Variants in THRAP3 observed in about 807,000 individuals in gnomAD.
The protein encoded by THRAP3 is thyroid hormone receptor associated protein 3, also known as thyroid hormone receptor-associated protein 3.
In THRAP3, 16 loss-of-function variants were observed where a neutral mutation model predicts 101.0. The observed-to-expected ratio is 0.16, with a 90% CI of 0.11 to 0.24. The LOEUF is 0.24. Among genes scored for constraint, THRAP3 ranks in the 10% least tolerant of loss-of-function variants. The pLI is 1.00. For missense variants in THRAP3, 989 were observed against 1,202.7 expected (o/e 0.82, Z 2.63); for synonymous variants, 407 against 422.6 (o/e 0.96, Z 0.45).
At chr1:36,245,826 A>G (rs1645224115) in intron 1 of THRAP3, among the ~76,000 whole-genome samples, 2 of 151,764 alleles carry the variant, frequency 1.3e-5, no homozygotes, top group Admixed American at 6.6e-5. Flanking sequence ...AGGACTTTTT[A>G]TTTTTCGCTA....
At chr1:36,294,990 G>A (rs1269178597) in intron 8 of THRAP3, among the ~76,000 whole-genome samples, 2 of 152,152 alleles carry the variant, frequency 1.3e-5, no homozygotes, top group Non-Finnish European at 2.9e-5. Flanking sequence ...TTGGGAGGCC[G>A]AGGTGGGTGG....
chr1:36,253,575 A>G (rs1645335522), intron 1 of THRAP3, among the ~76,000 whole-genome samples: 1 of 151,964 alleles, frequency 6.6e-6, no homozygotes, highest in African/African-American at 2.4e-5. Flanking sequence ...TTCCCATAGA[A>G]GTGCTGTTTT....
intron 5 of THRAP3, 137 bp downstream of exon 5, chr1:36,289,901 G>A: frequency 1.6e-6 from 2 of 1,240,698 alleles, no homozygotes; most frequent in African/African-American, 1.5e-5. Flanking sequence ...GTCCACCTGT[G>A]TTCACTGGAG....
chr1:36,214,898 A>G, the THRAP3 span, among the ~76,000 whole-genome samples: 1 of 150,936 alleles, frequency 6.6e-6, no homozygotes, highest in Non-Finnish European at 1.5e-5. Flanking sequence ...TAAAAAAGGA[A>G]ATGAGAATCA....
intron 1 of THRAP3, among the ~76,000 whole-genome samples, chr1:36,242,513 C>T (rs1225102397): frequency 1.4e-5 from 2 of 146,208 alleles, no homozygotes; most frequent in African/African-American, 5.1e-5. Flanking sequence ...AGTGCAGAGA[C>T]GCGATCTCCG....
chr1:36,291,334 TATTGTGTTCTA>T, intron 5 of THRAP3, 29 bp from the exon 6 acceptor site: 3 of 1,589,968 alleles, frequency 1.9e-6, no homozygotes, highest in Non-Finnish European at 2.6e-6. Context: ...TCTTCCTGTG[TATTGTGTTCTA>T]ATTGGGCCTC....
At chr1:36,297,135 C>T (rs1362190700) in intron 9 of THRAP3, among the ~76,000 whole-genome samples, 1 of 152,168 alleles carries the variant, frequency 6.6e-6, no homozygotes, top group Non-Finnish European at 1.5e-5. Context: ...AAGTCATTGT[C>T]AAGTAATAAC....
At position 36,282,346 on chromosome 1, in the gene THRAP3, A is replaced by G. The variant is rs1645743190; in HGVS notation, c.-31-187A>G. Among the ~76,000 whole-genome samples the G allele has an allele frequency of 2.6e-5, 4 of 151,808 alleles. No individual in the cohort carries two copies. In the South Asian group the frequency reaches 6.2e-4, roughly 24 times the overall value. ...ACTCCCTCCTGTCTTAGCCTCTCAAATAGCTAGGACTACAGGAACGCACCA... is the reference window on the plus strand; with the variant it reads ...ACTCCCTCCTGTCTTAGCCTCTCAAGTAGCTAGGACTACAGGAACGCACCA... On this transcript the variant is annotated intron_variant, in intron 2 of 11. Transcript: ENST00000354618.
At position 36,247,318 on chromosome 1, in the gene THRAP3, A is replaced by G. The variant is rs148247337; in HGVS notation, c.-134-12064A>G. Among the ~76,000 whole-genome samples the G allele has an allele frequency of 2.0e-3, 307 of 152,112 alleles. 2 individuals are homozygous for G. Among genetic ancestry groups the G allele is most frequent in the Admixed American group, 7.8e-3 (119 of 15,292 alleles). On this transcript the variant is annotated intron_variant, in intron 1 of 11. Coordinates refer to ENST00000354618, the MANE Select transcript of THRAP3 (RefSeq NM_005119.4). ...GGCGACAGAGCGAGACTCCGTCTCA[A>G]AAAGACAAATTAACTTTTTTTTTTG...
At chr1:36,223,145 T>A (rs534849083), upstream of THRAP3, among the ~76,000 whole-genome samples, 20 of 151,844 alleles carry the variant, frequency 1.3e-4, no homozygotes, top group East Asian at 2.9e-3. Context: ...AATAAATAAA[T>A]AAAAATAAAA....
At chr1:36,296,838 C>G in intron 9 of THRAP3, 68 bp downstream of exon 9, 2 of 1,299,284 alleles carry the variant, frequency 1.5e-6, no homozygotes, top group Non-Finnish European at 2.1e-6. Flanking sequence ...GGCTATACAC[C>G]AGAACTTTCA....
intron 8 of THRAP3, 150 bp downstream of exon 8, chr1:36,294,085 TA>T: frequency 7.0e-7 from 1 of 1,424,366 alleles, no homozygotes; most frequent in East Asian, 2.5e-5. Flanking sequence ...TACAAAGGGT[TA>T]ATTTTTATTA....
intron 9 of THRAP3, among the ~76,000 whole-genome samples, chr1:36,299,607 T>A (rs1169138600): frequency 6.6e-6 from 1 of 151,762 alleles, no homozygotes; most frequent in East Asian, 2.0e-4. Context: ...TTCAAGTGAT[T>A]CTCCTGTCTC....
In THRAP3 at chr1:36,282,765, T is replaced by A. The variant is rs563775400; in HGVS notation, c.137+65T>A. On this transcript the variant is annotated intron_variant, in intron 3 of 11. Transcript: ENST00000354618. ...ATCAGTCGATGTGGATGTTTGAAGATCTTTTGTTAGACTTTTCCTGTGAGT... is the reference window on the plus strand; with the variant it reads ...ATCAGTCGATGTGGATGTTTGAAGAACTTTTGTTAGACTTTTCCTGTGAGT... 2.0e-5 allele frequency: 32 copies of A among 1,590,652 alleles called. No individual in the cohort carries two copies. The Admixed American group carries it at 2.3e-4, about 12-fold the overall frequency.
chr1:36,225,690 A>G (rs1263049903), intron 1 of THRAP3, among the ~76,000 whole-genome samples: 2 of 152,058 alleles, frequency 1.3e-5, no homozygotes, highest in Non-Finnish European at 2.9e-5. Flanking sequence ...CTGTAATTCT[A>G]GACAGTCTGA....
rs181783087 is a variant in THRAP3, at chr1:36,297,100, G to A, written c.2303+330G>A. On this transcript the variant is annotated intron_variant, in intron 9 of 11. Coordinates refer to ENST00000354618, the MANE Select transcript of THRAP3 (RefSeq NM_005119.4). ...CTTTTTCATCACACATTTTCATGGG[G>A]AAGTTGTATTTTAGAAATGGCCCAA... Among the ~76,000 whole-genome samples the A allele has an allele frequency of 2.8e-3, 433 of 152,290 alleles. 2 individuals are homozygous for A. The highest frequency in any genetic ancestry group is 9.7e-3 in the African/African-American group (405 of 41,560).
intron 1 of THRAP3, among the ~76,000 whole-genome samples, chr1:36,257,950 C>T (rs1387042446): frequency 1.3e-5 from 2 of 152,192 alleles, no homozygotes; most frequent in Non-Finnish European, 2.9e-5. Flanking sequence ...AAGGGATTCT[C>T]CTGCCTCAGC....
At position 36,289,053 on chromosome 1, in the gene THRAP3, T is replaced by TA. The variant is rs201699632; in HGVS notation, c.1041-4dup. On this transcript the variant is annotated splice_region_variant and splice_polypyrimidine_tract_variant and intron_variant, in intron 4 of 11. Coordinates refer to ENST00000354618, the MANE Select transcript of THRAP3 (RefSeq NM_005119.4). ...CTTGTGTCTCTCTCTTGTGTTTTTA[T>TA]AAATAGGTATCTAGAAGAGCAGAAG... The TA allele has an allele frequency of 9.1e-3, 14,192 of 1,556,918 alleles. 88 individuals are homozygous for TA. Among genetic ancestry groups the TA allele is most frequent in the Non-Finnish European group, 0.011 (12,845 of 1,155,704 alleles).
rs1194181304 is a variant in THRAP3, at chr1:36,297,137, A to G, written c.2303+367A>G. Among the ~76,000 whole-genome samples, 6 of 152,224 alleles carry G rather than the reference A, an allele frequency of 3.9e-5. No individual in the cohort carries two copies. In the East Asian group the frequency reaches 9.6e-4, roughly 24 times the overall value. ...TAGAAATGGCCCAAAGTCATTGTCA[A>G]GTAATAACACTGTTTAGTCAAAGAA... On this transcript the variant is annotated intron_variant, in intron 9 of 11. Transcript: ENST00000354618.
Sources: gnomAD v4.1 joint callset for allele counts (sites outside exome capture counted in the v4.1 genomes callset) on GRCh38, gnomAD v4.1.1 for gene constraint, MANE v1.5 for transcripts, NCBI Gene and HGNC (gene_info 2026-07-23, HGNC 2026-07-21) for gene names.